GRIP1: variants seen among roughly 807,000 people sequenced by gnomAD.
The protein encoded by GRIP1 is glutamate receptor interacting protein 1.
GRIP1 carries 45 observed loss-of-function variants against 129.9 expected under a neutral mutation model. The observed-to-expected ratio is 0.35, with a 90% confidence interval of 0.27 to 0.44. The LOEUF (loss-of-function observed/expected upper bound fraction) is 0.44. Among genes scored for constraint, GRIP1 ranks in the 20% least tolerant of loss-of-function variants. The pLI is 1.00. For synonymous variants in GRIP1, 530 were observed against 520.8 expected, an observed-to-expected ratio of 1.02 and a Z score of -0.24; for missense variants, 1,196 against 1,396.8, an observed-to-expected ratio of 0.86 and a Z score of 2.29.
At chr12:66,947,820 GAC>G (rs1417752139) in intron 1 of GRIP1, among the ~76,000 whole-genome samples, 1 of 152,208 alleles carries the variant, frequency 6.6e-6, no homozygotes, top group Non-Finnish European at 1.5e-5. Flanking sequence ...CCAAGTACAA[GAC>G]ACAAAACCAC....
Position 66,465,405 on chromosome 12 carries a change from A to T in GRIP1, c.742T>A (p.Ser248Thr). ...VSVMDSVATA[S>T]GPLLVEVAKT... The stretch of plus-strand genomic sequence containing the variant: ...GCAACTTCGACTAGTAGTGGCCCGG[A>T]TGCTGTTGCCACAGAGTCTGTCAAA... The change falls in exon 8 of 25, where the codon TCC (serine) becomes ACC (threonine). Residue 248 changes from serine (S) to threonine (T), a missense_variant. Coordinates refer to ENST00000359742, the MANE Select transcript of GRIP1 (RefSeq NM_001366722.1). 6.2e-7 allele frequency: 1 copy of T among 1,613,988 alleles called. No individual in the cohort carries two copies. The highest frequency in any genetic ancestry group is 8.5e-7 in the Non-Finnish European group (1 of 1,179,836).
chr12:66,517,188 C>A (rs1022292030), intron 6 of GRIP1, among the ~76,000 whole-genome samples: 14 of 152,068 alleles, frequency 9.2e-5, no homozygotes, highest in African/African-American at 3.1e-4. Context: ...CAGTTGTGTT[C>A]CCCCATCATT....
chr12:66,532,222 G>A (rs2061482202), intron 4 of GRIP1, among the ~76,000 whole-genome samples: 1 of 152,078 alleles, frequency 6.6e-6, no homozygotes, highest in African/African-American at 2.4e-5. Flanking sequence ...TGCATGGCTG[G>A]CTCTTCATGA....
intron 1 of GRIP1, among the ~76,000 whole-genome samples, chr12:66,959,877 C>G (rs190769555): frequency 1.2e-4 from 18 of 151,732 alleles, no homozygotes; most frequent in African/African-American, 3.6e-4. Context: ...AATATGAAAC[C>G]GATGTCACCA....
chr12:67,007,928 TAAC>T (rs901627385), intron 1 of GRIP1, among the ~76,000 whole-genome samples: 36 of 152,078 alleles, frequency 2.4e-4, no homozygotes, highest in Non-Finnish European at 2.6e-4. Context: ...AGGATAAATT[TAAC>T]AACAACAAAA....
chr12:66,680,658 T>C (rs1239753293), upstream of GRIP1, among the ~76,000 whole-genome samples: 2 of 152,196 alleles, frequency 1.3e-5, no homozygotes, highest in African/African-American at 2.4e-5. Flanking sequence ...AATAGAAATA[T>C]ACCTTAGTAC....
chr12:66,602,171 TCC>T (rs2064305863), intron 1 of GRIP1, among the ~76,000 whole-genome samples: 4 of 152,164 alleles, frequency 2.6e-5, no homozygotes, highest in Admixed American at 2.6e-4. Flanking sequence ...AGTAACTGGG[TCC>T]TGTGAACATT....
At chr12:66,372,549 A>C (rs554588825) in intron 22 of GRIP1, among the ~76,000 whole-genome samples, 1 of 152,320 alleles carries the variant, frequency 6.6e-6, no homozygotes, top group East Asian at 1.9e-4. Context: ...GTTTCTTAGA[A>C]ATACTCTTTG....
intron 16 of GRIP1, among the ~76,000 whole-genome samples, chr12:66,401,236 C>T (rs917213919): frequency 6.6e-6 from 1 of 152,102 alleles, no homozygotes; most frequent in Non-Finnish European, 1.5e-5. Context: ...AGTCAACATT[C>T]ATTGGGCCTC....
At chr12:66,637,382 TTTGTC>T (rs140401911) in intron 1 of GRIP1, among the ~76,000 whole-genome samples, 4,684 of 151,916 alleles carry the variant, frequency 0.031, 80 homozygotes, top group Middle Eastern at 0.054. Flanking sequence ...AATGTCTTCT[TTTGTC>T]TTCTTTTTTA....
intron 13 of GRIP1, among the ~76,000 whole-genome samples, chr12:66,437,450 T>G (rs141574098): frequency 5.3e-5 from 8 of 152,324 alleles, no homozygotes; most frequent in African/African-American, 1.9e-4. Context: ...TTTCTTGCCC[T>G]ATTCTGTATT....
At chr12:66,490,067 T>C (rs764771334) in intron 7 of GRIP1, among the ~76,000 whole-genome samples, 2 of 152,154 alleles carry the variant, frequency 1.3e-5, no homozygotes, top group Admixed American at 6.5e-5. Context: ...CAGTACAGTA[T>C]AGATTCAATG....
chr12:66,596,980 G>T, intron 1 of GRIP1, 53 bp from the exon 2 acceptor site: 2 of 1,206,998 alleles, frequency 1.7e-6, no homozygotes, highest in Non-Finnish European at 2.5e-6. Flanking sequence ...TTCTAATGCA[G>T]TGAAGATTTT....
chr12:66,917,800 G>A (rs973739646), intron 1 of GRIP1, among the ~76,000 whole-genome samples: 1 of 152,036 alleles, frequency 6.6e-6, no homozygotes, highest in African/African-American at 2.4e-5. Flanking sequence ...GACAAATTAA[G>A]TCATTTTATA....
At chr12:66,736,306 A>G (rs2036594827) in intron 1 of GRIP1, among the ~76,000 whole-genome samples, 2 of 137,108 alleles carry the variant, frequency 1.5e-5, no homozygotes, top group African/African-American at 5.5e-5. Context: ...CAACCTCCCA[A>G]GTTGTTAGGA....
chr12:67,036,349 T>A (rs1351378226), intron 1 of GRIP1, among the ~76,000 whole-genome samples: 1 of 148,374 alleles, frequency 6.7e-6, no homozygotes, highest in Middle Eastern at 3.4e-3. Context: ...TTTTTTTTTT[T>A]AGACTGAGTC....
intron 1 of GRIP1, among the ~76,000 whole-genome samples, chr12:66,941,707 C>A (rs1203926575): frequency 1.3e-5 from 2 of 152,202 alleles, no homozygotes; most frequent in South Asian, 4.1e-4. Context: ...TCATACCACC[C>A]CTGAGATATC....
At chr12:66,436,319 G>C (rs1290550579) in intron 13 of GRIP1, among the ~76,000 whole-genome samples, 3 of 152,008 alleles carry the variant, frequency 2.0e-5, no homozygotes, top group Admixed American at 2.0e-4. Context: ...GCAGAGAAAG[G>C]CACTGGGGGC....
intron 1 of GRIP1, among the ~76,000 whole-genome samples, chr12:66,884,819 A>AAT (rs2040538046): frequency 6.6e-6 from 1 of 152,172 alleles, no homozygotes; most frequent in East Asian, 1.9e-4. Context: ...TGCCATCTAA[A>AAT]ATATATATAA....
Sources: gnomAD v4.1 joint callset for allele counts (sites outside exome capture counted in the v4.1 genomes callset) on GRCh38, gnomAD v4.1.1 for gene constraint, MANE v1.5 for transcripts, NCBI Gene and HGNC (gene_info 2026-07-23, HGNC 2026-07-21) for gene names.